Variants in CBLB observed in about 807,000 individuals in gnomAD.
CBLB encodes E3 ubiquitin-protein ligase CBL-B.
CBLB carries 31 observed loss-of-function variants against 104.9 expected under a neutral mutation model. That is an observed-to-expected ratio of 0.30 (90% CI 0.22 to 0.40). The LOEUF (loss-of-function observed/expected upper bound fraction) is 0.40, where lower values mean the gene tolerates loss of function less well. Ranked by LOEUF, CBLB falls within the 10% of genes least tolerant of loss-of-function variation. The pLI is 1.00. For synonymous variants in CBLB, 440 were observed against 422.6 expected (o/e 1.04, Z -0.51); for missense variants, 1,062 against 1,214.6 (o/e 0.87, Z 1.87).
chr3:105,733,344 A>G (rs1005768582), intron 9 of CBLB, among the ~76,000 whole-genome samples: 16 of 151,540 alleles, frequency 1.1e-4, no homozygotes, highest in African/African-American at 3.6e-4. Context: ...GCGACAGAGC[A>G]AGACTCTGTC....
At chr3:105,779,973 C>A (rs564227062) in intron 3 of CBLB, among the ~76,000 whole-genome samples, 79 of 151,920 alleles carry the variant, frequency 5.2e-4, no homozygotes, top group African/African-American at 1.5e-3. Flanking sequence ...CCTGTCTCAG[C>A]CTCCCAAGTA....
rs2063383846 is a variant in CBLB, at chr3:105,656,864, A to AGTGCTATTCCAAGGTGACATCTG, written c.*2083_*2105dup. On this transcript the variant is annotated 3_prime_UTR_variant, in exon 19 of 19. Transcript: ENST00000394030. ...CAATCATAAAAAGGCCAAAATAAAC[A>AGTGCTATTCCAAGGTGACATCTG]GTGCTATTCCAAGGTGACATCTGAA... 1 of 209,670 alleles carries AGTGCTATTCCAAGGTGACATCTG rather than the reference A, an allele frequency of 4.8e-6. No individual in the cohort carries two copies. The highest frequency in any genetic ancestry group is 2.3e-5 in the African/African-American group (1 of 44,050). The allele number at this position is 209,670 out of a possible 1,614,324, so 13.0% of individuals were successfully genotyped here.
Position 105,865,159 on chromosome 3 carries a change from C to G in CBLB, c.168+2251G>C, listed in dbSNP as rs936355659. On this transcript the variant is annotated intron_variant, in intron 2 of 18. Coordinates refer to ENST00000394030, the MANE Select transcript of CBLB (RefSeq NM_170662.5). ...ATCAGGACAATGTTGATATTATGAGCCACTTCCTTCACCACTAACAAATAA... is the reference window on the plus strand; with the variant it reads ...ATCAGGACAATGTTGATATTATGAGGCACTTCCTTCACCACTAACAAATAA... Among the ~76,000 whole-genome samples, 7 of 152,020 alleles carry G rather than the reference C, an allele frequency of 4.6e-5. No individual in the cohort carries two copies. The South Asian group carries it at 1.2e-3, about 27-fold the overall frequency.
chr3:105,745,884 A>C, intron 6 of CBLB, 33 bp downstream of exon 6: 1 of 1,592,516 alleles, frequency 6.3e-7, no homozygotes, highest in Non-Finnish European at 8.6e-7. Context: ...ATCTTTGGAT[A>C]TATCACATAA....
chr3:105,865,805 G>C (rs959382477), intron 2 of CBLB, among the ~76,000 whole-genome samples: 2 of 152,098 alleles, frequency 1.3e-5, no homozygotes, highest in Admixed American at 6.6e-5. Context: ...CCCCTTTATA[G>C]AATCTGAACC....
intron 13 of CBLB, among the ~76,000 whole-genome samples, chr3:105,691,993 C>T (rs1256051363): frequency 6.6e-6 from 1 of 152,160 alleles, no homozygotes; most frequent in Non-Finnish European, 1.5e-5. Flanking sequence ...AATGTTAGTG[C>T]ACACCATTCT....
intron 3 of CBLB, among the ~76,000 whole-genome samples, chr3:105,799,164 T>A (rs950623783): frequency 3.2e-4 from 13 of 40,588 alleles, no homozygotes; most frequent in South Asian, 1.0e-3. Flanking sequence ...ACATGGTAAA[T>A]AATGACAAAG....
At chr3:105,759,894 A>C (rs2077452076) in intron 4 of CBLB, among the ~76,000 whole-genome samples, 1 of 152,210 alleles carries the variant, frequency 6.6e-6, no homozygotes, top group Non-Finnish European at 1.5e-5. Context: ...TCCATAGAGC[A>C]CACAGCCCTG....
chr3:105,838,515 G>A (rs927905476), intron 3 of CBLB, among the ~76,000 whole-genome samples: 1 of 151,942 alleles, frequency 6.6e-6, no homozygotes, highest in Non-Finnish European at 1.5e-5. Flanking sequence ...ACTGGAAATA[G>A]GAAAGGGAGG....
chr3:105,658,454 T>G lies in CBLB; in HGVS notation c.*516A>C. 1 of 226,202 alleles carries G rather than the reference T, an allele frequency of 4.4e-6. No homozygotes were observed. 14.0% of individuals were successfully genotyped at this position (226,202 alleles called of 1,614,324 possible). On this transcript the variant is annotated 3_prime_UTR_variant, in exon 19 of 19. Transcript: ENST00000394030. ...CAGAACCTTCAAAGCATCTTGTGAA[T>G]GAGAGAAATGGAACTGGACCTGGGC...
intron 3 of CBLB, among the ~76,000 whole-genome samples, chr3:105,794,459 T>C (rs568369473): frequency 1.3e-5 from 2 of 152,306 alleles, no homozygotes; most frequent in African/African-American, 4.8e-5. Context: ...TAACAGTCTT[T>C]TAGGATATTT....
chr3:105,838,092 T>C (rs1185442315), intron 3 of CBLB, among the ~76,000 whole-genome samples: 1 of 148,908 alleles, frequency 6.7e-6, no homozygotes, highest in African/African-American at 2.5e-5. Flanking sequence ...TCTTTTTTTT[T>C]TTTTTTCTGA....
chr3:105,746,097 A>G, intron 5 of CBLB, 59 bp from the exon 6 acceptor site: 1 of 1,116,280 alleles, frequency 9.0e-7, no homozygotes, highest in Non-Finnish European at 1.3e-6. Context: ...TATTTTGATT[A>G]CATACTGAAC....
chr3:105,655,513 G>T lies in CBLB; in HGVS notation c.*3457C>A, dbSNP rs1421979133. The T allele has an allele frequency of 5.7e-6, 1 of 175,922 alleles. No individual in the cohort carries two copies. Among genetic ancestry groups the T allele is most frequent in the Non-Finnish European group, 1.2e-5 (1 of 81,844 alleles). 10.9% of individuals were successfully genotyped at this position (175,922 alleles called of 1,614,324 possible). ...CTTTAAAAGAACAGATAAAGTACTT[G>T]AGGTTACATAATAACCAGAATTGAA... is the stretch of plus-strand genomic sequence containing the variant. On this transcript the variant is annotated 3_prime_UTR_variant, in exon 19 of 19. Transcript: ENST00000394030.
chr3:105,783,266 C>G (rs1368440545), intron 3 of CBLB, among the ~76,000 whole-genome samples: 1 of 130,528 alleles, frequency 7.7e-6, no homozygotes, highest in Middle Eastern at 3.5e-3. Flanking sequence ...TAGGTAAGAC[C>G]CTGATGCATC....
At chr3:105,740,412 T>A in intron 7 of CBLB, 82 bp downstream of exon 7, 1 of 1,418,342 alleles carries the variant, frequency 7.1e-7, no homozygotes, top group South Asian at 1.1e-5. Flanking sequence ...AGCCTTGCTA[T>A]CCATTTTCGC....
intron 3 of CBLB, among the ~76,000 whole-genome samples, chr3:105,798,159 T>C (rs2082441152): frequency 6.6e-6 from 1 of 152,248 alleles, no homozygotes; most frequent in South Asian, 2.1e-4. Context: ...TTTTCAACAA[T>C]TCTTCTTTAA....
At chr3:105,758,824 T>C (rs1381493222) in intron 4 of CBLB, among the ~76,000 whole-genome samples, 4 of 152,204 alleles carry the variant, frequency 2.6e-5, no homozygotes, top group Non-Finnish European at 4.4e-5. Flanking sequence ...ACCCAAAAGC[T>C]TGGAGACTCC....
At chr3:105,842,083 C>T (rs1402217323) in intron 3 of CBLB, among the ~76,000 whole-genome samples, 2 of 151,930 alleles carry the variant, frequency 1.3e-5, no homozygotes, top group African/African-American at 4.8e-5. Flanking sequence ...GAGCAAGAGT[C>T]AGGCAGGTTT....
Sources: allele counts gnomAD v4.1 joint callset (sites outside exome capture counted in the v4.1 genomes callset), GRCh38; gene constraint gnomAD v4.1.1; transcripts MANE v1.5; gene names NCBI Gene and HGNC (gene_info 2026-07-23, HGNC 2026-07-21).